Variants in PARM1 observed in about 807,000 individuals in gnomAD.
The protein encoded by PARM1 is WSC4, cell wall integrity and stress response component 4 homolog.
PARM1 carries 14 observed loss-of-function variants against 24.6 expected under a neutral mutation model. The ratio of observed to expected loss-of-function variants is 0.57; its 90% CI spans 0.38 to 0.89. The LOEUF (loss-of-function observed/expected upper bound fraction) is 0.89, where lower values mean the gene tolerates loss of function less well. Ranked by LOEUF, PARM1 falls within the 40% of genes least tolerant of loss-of-function variation. The pLI is 0.00. For missense variants in PARM1, 362 were observed against 380.4 expected (o/e 0.95, Z 0.40); for synonymous variants, 179 against 156.6 (o/e 1.14, Z -1.07).
chr4:75,004,741 A>G lies in PARM1; in HGVS notation c.44-7684A>G, dbSNP rs186777245. On this transcript the variant is annotated intron_variant, in intron 1 of 3. Coordinates refer to ENST00000307428, the MANE Select transcript of PARM1 (RefSeq NM_015393.4). Reference sequence around the variant, plus strand: ...TCATACAGTCTAATAACTTTTAAAAAGTCACTTAGTTGCCCACACTAGGGA... The same window carrying G: ...TCATACAGTCTAATAACTTTTAAAAGGTCACTTAGTTGCCCACACTAGGGA... 8.5e-5 allele frequency among the ~76,000 whole-genome samples: 13 copies of G among 152,368 alleles called. No homozygotes were observed. In the East Asian group the frequency reaches 2.5e-3, roughly 29 times the overall value.
chr4:74,986,399 A>T (rs143753205), intron 1 of PARM1, among the ~76,000 whole-genome samples: 1 of 152,340 alleles, frequency 6.6e-6, no homozygotes, highest in Non-Finnish European at 1.5e-5. Context: ...ATATTTCTTC[A>T]TGACTTAACC....
At position 74,933,448 on chromosome 4, in the gene PARM1, A is replaced by G. The variant is rs545324344; in HGVS notation, c.43+78A>G. The stretch of plus-strand genomic sequence containing the variant: ...CTAGCGCGTGGTCGGGGCTGAAGCT[A>G]GGAGATCCGGCAGTGAGTCGCCGCG... On this transcript the variant is annotated intron_variant, in intron 1 of 3. Transcript: ENST00000307428. 3.8e-6 allele frequency: 5 copies of G among 1,308,350 alleles called. No individual in the cohort carries two copies. The African/African-American group carries it at 5.8e-5, about 15-fold the overall frequency. 81.0% of individuals were successfully genotyped at this position (1,308,350 alleles called of 1,614,324 possible).
intron 1 of PARM1, among the ~76,000 whole-genome samples, chr4:74,946,607 C>T (rs1034597637): frequency 5.3e-5 from 8 of 152,152 alleles, no homozygotes; most frequent in African/African-American, 1.9e-4. Flanking sequence ...TAAGATGAAT[C>T]TGGAATATCT....
intron 1 of PARM1, among the ~76,000 whole-genome samples, chr4:74,988,391 G>T (rs987824123): frequency 6.6e-6 from 1 of 152,174 alleles, no homozygotes; most frequent in African/African-American, 2.4e-5. Context: ...TTACATAATG[G>T]TGGGAGAGAT....
At chr4:74,935,179 C>T (rs1451596493) in intron 1 of PARM1, among the ~76,000 whole-genome samples, 1 of 151,968 alleles carries the variant, frequency 6.6e-6, no homozygotes, top group African/African-American at 2.4e-5. Context: ...AGCCTTCCAG[C>T]TGTGAGGCTC....
intron 1 of PARM1, among the ~76,000 whole-genome samples, chr4:74,990,400 G>A (rs573992377): frequency 6.6e-6 from 1 of 152,252 alleles, no homozygotes; most frequent in South Asian, 2.1e-4. Flanking sequence ...CCAGCTGGAA[G>A]GAGGAAAAGT....
Position 74,961,350 on chromosome 4 carries a change from C to T in PARM1, c.43+27980C>T, listed in dbSNP as rs116424922. Among the ~76,000 whole-genome samples the T allele has an allele frequency of 5.5e-3, 833 of 151,496 alleles. 7 individuals carry two copies. The highest frequency in any genetic ancestry group is 0.019 in the African/African-American group (777 of 41,244). ...ACAAATATACACGTAATGAAAGTCTCGGAAGGAGAAGAAGGAAAGAGAAAA... is the reference window on the plus strand; with the variant it reads ...ACAAATATACACGTAATGAAAGTCTTGGAAGGAGAAGAAGGAAAGAGAAAA... On this transcript the variant is annotated intron_variant, in intron 1 of 3. Coordinates refer to ENST00000307428, the MANE Select transcript of PARM1 (RefSeq NM_015393.4).
At chr4:74,976,621 T>C (rs1285946783) in intron 1 of PARM1, among the ~76,000 whole-genome samples, 1 of 152,190 alleles carries the variant, frequency 6.6e-6, no homozygotes, top group Non-Finnish European at 1.5e-5. Context: ...ATTAAGTGGG[T>C]CACTGATCTG....
intron 2 of PARM1, among the ~76,000 whole-genome samples, chr4:75,027,556 A>G (rs1723206557): frequency 2.0e-5 from 3 of 151,826 alleles, no homozygotes; most frequent in Admixed American, 2.0e-4. Flanking sequence ...ACTACACCCC[A>G]CTCCCACTAC....
chr4:75,046,555 C>T lies in PARM1; in HGVS notation c.*308C>T, dbSNP rs576377204. ...CTGCAGGACCCACTTTGAGAAGGACCGAGGAGGAGGATTTGGGTTGTTTTG... is the reference window on the plus strand; with the variant it reads ...CTGCAGGACCCACTTTGAGAAGGACTGAGGAGGAGGATTTGGGTTGTTTTG... On this transcript the variant is annotated 3_prime_UTR_variant, in exon 4 of 4. Coordinates refer to ENST00000307428, the MANE Select transcript of PARM1 (RefSeq NM_015393.4). 3 of 229,912 alleles carry T rather than the reference C, an allele frequency of 1.3e-5. No homozygotes were observed. The highest frequency in any genetic ancestry group is 5.2e-5 in the Admixed American group (1 of 19,258). The allele number at this position is 229,912 out of a possible 1,614,324, so 14.2% of individuals were successfully genotyped here.
chr4:75,043,808 G>A (rs1723545004), intron 3 of PARM1, among the ~76,000 whole-genome samples: 1 of 152,138 alleles, frequency 6.6e-6, no homozygotes, highest in Non-Finnish European at 1.5e-5. Flanking sequence ...GTTTACCAAA[G>A]CTACCTCCCT....
At chr4:75,003,399 G>T (rs1722716966) in intron 1 of PARM1, among the ~76,000 whole-genome samples, 1 of 151,884 alleles carries the variant, frequency 6.6e-6, no homozygotes, top group African/African-American at 2.4e-5. Flanking sequence ...TCTTTCATTA[G>T]AATTCACAGC....
At chr4:74,999,478 G>A (rs977625947) in intron 1 of PARM1, among the ~76,000 whole-genome samples, 1 of 151,990 alleles carries the variant, frequency 6.6e-6, no homozygotes, top group African/African-American at 2.4e-5. Flanking sequence ...AAATCCATGA[G>A]GTGTAAATAG....
chr4:74,960,631 A>G (rs527667881), intron 1 of PARM1, among the ~76,000 whole-genome samples: 2 of 152,284 alleles, frequency 1.3e-5, no homozygotes, highest in South Asian at 2.1e-4. Context: ...ACACAAAAAC[A>G]TAGGAAAGTA....
At chr4:75,046,005 G>T (rs1376369344) in intron 3 of PARM1, among the ~76,000 whole-genome samples, 158 bp from the exon 4 acceptor site, 1 of 152,116 alleles carries the variant, frequency 6.6e-6, no homozygotes, top group African/African-American at 2.4e-5. Flanking sequence ...GGTAGACCGG[G>T]GCCTCCACGG....
At chr4:74,953,737 A>G (rs748747162) in intron 1 of PARM1, among the ~76,000 whole-genome samples, 25 of 152,194 alleles carry the variant, frequency 1.6e-4, no homozygotes, top group Non-Finnish European at 2.8e-4. Context: ...TTCCAGAATG[A>G]AAGAACTGAC....
chr4:75,045,241 G>C (rs1723577683), intron 3 of PARM1, among the ~76,000 whole-genome samples: 1 of 152,198 alleles, frequency 6.6e-6, no homozygotes, highest in Admixed American at 6.5e-5. Context: ...GACCAGTATG[G>C]TTATAGCAGA....
intron 3 of PARM1, among the ~76,000 whole-genome samples, chr4:75,039,383 A>C (rs973448325): frequency 6.6e-6 from 1 of 152,072 alleles, no homozygotes; most frequent in Non-Finnish European, 1.5e-5. Context: ...TACAAAAAAA[A>C]ATTAGCTGGC....
chr4:74,974,148 T>G (rs1166069912), intron 1 of PARM1, among the ~76,000 whole-genome samples: 1 of 152,226 alleles, frequency 6.6e-6, no homozygotes, highest in East Asian at 1.9e-4. Flanking sequence ...CTCCTTCCTC[T>G]GTGTGTGCTC....
Sources: gnomAD v4.1 joint callset for allele counts (sites outside exome capture counted in the v4.1 genomes callset) on GRCh38, gnomAD v4.1.1 for gene constraint, MANE v1.5 for transcripts, NCBI Gene and HGNC (gene_info 2026-07-23, HGNC 2026-07-21) for gene names.